Variants in LAMA5 observed in about 807,000 individuals in gnomAD.
The protein encoded by LAMA5 is laminin subunit alpha 5, also known as laminin subunit alpha-5.
LAMA5 carries 260 observed loss-of-function variants against 433.4 expected under a neutral mutation model. The observed-to-expected ratio is 0.60, with a 90% CI of 0.54 to 0.66. LAMA5 has a LOEUF of 0.66. Ranked by LOEUF, LAMA5 falls within the 30% of genes least tolerant of loss-of-function variation. The pLI, the probability that LAMA5 is intolerant of heterozygous loss-of-function variation, is 0.00. For missense variants in LAMA5, 5,378 were observed against 5,258.5 expected (o/e 1.02, Z -0.70); for synonymous variants, 2,620 against 2,226.6 (o/e 1.18, Z -4.97).
Position 62,323,469 on chromosome 20 carries a change from G to C in LAMA5, c.6051C>G (p.Pro2017=). The C allele has an allele frequency of 6.5e-7, 1 of 1,542,132 alleles. No individual in the cohort carries two copies. Among genetic ancestry groups the C allele is most frequent in the Non-Finnish European group, 8.7e-7 (1 of 1,145,174 alleles). Residue 2017 remains proline (P), a synonymous_variant, in exon 45 of 80, where the codon CCC becomes CCG. Transcript: ENST00000252999. ...APGFYGNALL[P]GNCTRCDCTP... Reference sequence around the variant, plus strand: ...CCCGACGCCTACGGGTGCAGTTGCCGGGCAGCAGGGCGTTGCCGTAGAAGC... The same window carrying C: ...CCCGACGCCTACGGGTGCAGTTGCCCGGCAGCAGGGCGTTGCCGTAGAAGC...
At chr20:62,354,340 T>G in intron 2 of LAMA5, among the ~76,000 whole-genome samples, 1 of 50,698 alleles carries the variant, frequency 2.0e-5, no homozygotes, top group African/African-American at 8.7e-5. Flanking sequence ...CCTCCCTCCC[T>G]CCCTCCCTCC....
Position 62,325,331 on chromosome 20 carries a change from C to A in LAMA5, c.5514G>T (p.Arg1838=). The A allele has an allele frequency of 6.3e-7, 1 of 1,590,032 alleles. No homozygotes were observed. The highest frequency in any genetic ancestry group is 1.1e-5 in the South Asian group (1 of 88,484). The change falls in exon 41 of 80, where the codon CGG becomes CGT. Residue 1838 remains arginine (R), a synonymous_variant. Transcript: ENST00000252999. ...VELCLCPASY[R]GDSCQECAPG... Reference sequence around the variant, plus strand: ...CTAACCTCACCTGGCATGAGTCCCCCCGGTAGCTGGCGGGGCACAGGCACA... The same window carrying A: ...CTAACCTCACCTGGCATGAGTCCCCACGGTAGCTGGCGGGGCACAGGCACA...
At position 62,367,196 on chromosome 20, in the gene LAMA5, C is replaced by T. The variant is rs1382234558; in HGVS notation, c.50G>A (p.Arg17Gln). The T allele has an allele frequency of 1.6e-6, 2 of 1,220,594 alleles. No individual in the cohort carries two copies. The highest frequency in any genetic ancestry group is 1.0e-6 in the Non-Finnish European group (1 of 982,532). 75.6% of individuals were successfully genotyped at this position (1,220,594 alleles called of 1,614,324 possible). Residue 17 changes from arginine to glutamine, a missense_variant, in exon 1 of 80, where the codon CGG becomes CAG. Coordinates refer to ENST00000252999, the MANE Select transcript of LAMA5 (RefSeq NM_005560.6). The stretch of plus-strand genomic sequence containing the variant: ...GACCAGCAGCAGCGGCGCGGGGCCC[C>T]GGGGGCCGCGAACACACAGTGCGCT... ...AGSALCVRGPRGPAPLLLVGL... is the reference protein window; with the variant it reads ...AGSALCVRGPQGPAPLLLVGL...
At chr20:62,353,448 C>A (rs1456380290) in intron 2 of LAMA5, 197 bp from the exon 3 acceptor site, 3 of 499,784 alleles carry the variant, frequency 6.0e-6, no homozygotes, top group Non-Finnish European at 1.1e-5. Flanking sequence ...TGGAGATGAG[C>A]CCCCGGGAAC....
rs1235535816 is a variant in LAMA5 at position 62,326,763 on chromosome 20, G to A, written c.5215-3C>T. ...AATGTGATGCTCATCTGGTTGCCCT[G>A]GGAAGGCACATGGGGAGGTGAGGGT... On this transcript the variant is annotated splice_region_variant and splice_polypyrimidine_tract_variant and intron_variant, in intron 39 of 79. Transcript: ENST00000252999. The A allele has an allele frequency of 6.2e-7, 1 of 1,612,948 alleles. No homozygotes were observed. Among genetic ancestry groups the A allele is most frequent in the South Asian group, 1.1e-5 (1 of 91,086 alleles).
chr20:62,326,992 C>T lies in LAMA5; in HGVS notation c.5113-26G>A, dbSNP rs753098455. 2.6e-6 allele frequency: 4 copies of T among 1,518,900 alleles called. No homozygotes were observed. The South Asian group carries it at 4.7e-5, about 18-fold the overall frequency. 94.1% of individuals were successfully genotyped at this position (1,518,900 alleles called of 1,614,324 possible). The stretch of plus-strand genomic sequence containing the variant: ...CTGGAGGCAGGACAGACAGAGGTGA[C>T]CTGGCCAGACTCTGGCCACAGGCTC... On this transcript the variant is annotated intron_variant, in intron 38 of 79. Transcript: ENST00000252999.
chr20:62,312,937 T>A lies in LAMA5; in HGVS notation c.9029A>T (p.Lys3010Met), dbSNP rs1226823518. The A allele has an allele frequency of 3.2e-6, 5 of 1,578,060 alleles. No homozygotes were observed. The highest frequency in any genetic ancestry group is 1.3e-5 in the African/African-American group (1 of 74,290). The change falls in exon 66 of 80, where the codon AAG (lysine) becomes ATG (methionine). Residue 3010 changes from lysine (K) to methionine (M), a missense_variant. By Grantham distance (95) the Lys-to-Met change is moderately conservative (BLOSUM62 -1). Transcript: ENST00000252999. ...LLYDFGAGLK[K>M]AVPLQPPPPL... ...CGGTGGGGGCTGCAGTGGGACGGCC[T>A]TTTTCAGGCCAGCCCCAAAGTCATA...
intron 11 of LAMA5, among the ~76,000 whole-genome samples, chr20:62,344,966 C>T (rs147818558): frequency 1.3e-5 from 2 of 152,260 alleles, no homozygotes; most frequent in East Asian, 3.9e-4. Flanking sequence ...TGCTTGTGTA[C>T]AGAGAGCATT....
chr20:62,316,808 G>T, intron 56 of LAMA5, 35 bp from the exon 57 acceptor site: 1 of 1,566,868 alleles, frequency 6.4e-7, no homozygotes, highest in South Asian at 1.1e-5. Flanking sequence ...GCTCAGACAC[G>T]CAGGCCGGGG....
At chr20:62,365,271 T>C (rs1315605767) in intron 1 of LAMA5, among the ~76,000 whole-genome samples, 2 of 152,196 alleles carry the variant, frequency 1.3e-5, no homozygotes, top group Non-Finnish European at 2.9e-5. Context: ...TGTGGCCACT[T>C]CCCAGGCTCC....
intron 6 of LAMA5, among the ~76,000 whole-genome samples, chr20:62,350,641 G>T (rs1984148312): frequency 6.6e-6 from 1 of 152,176 alleles, no homozygotes; most frequent in South Asian, 2.1e-4. Flanking sequence ...GATGAGCCCT[G>T]CCAGCTCCCT....
chr20:62,358,655 G>A (rs1985597646), intron 2 of LAMA5, among the ~76,000 whole-genome samples: 1 of 152,132 alleles, frequency 6.6e-6, no homozygotes, highest in African/African-American at 2.4e-5. Flanking sequence ...ATTTACAGAG[G>A]AGGAACCAGC....
chr20:62,325,415 C>G lies in LAMA5; in HGVS notation c.5430G>C (p.Arg1810Ser). 1 of 1,612,226 alleles carries G rather than the reference C, an allele frequency of 6.2e-7. No individual in the cohort carries two copies. Among genetic ancestry groups the G allele is most frequent in the Non-Finnish European group, 8.5e-7 (1 of 1,179,466 alleles). ...CTGGGCTGGCCACCTCCAGTGCCAC[C>G]CTGCGCAGGAAGACAGCCGAGGAGA... ...SQISSAVFLRRVALEVASPAG... is the reference protein window; with the variant it reads ...SQISSAVFLRSVALEVASPAG... Residue 1810 changes from arginine (R) to serine (S), a missense_variant, in exon 41 of 80, where the codon AGG becomes AGC. Coordinates refer to ENST00000252999, the MANE Select transcript of LAMA5 (RefSeq NM_005560.6).
chr20:62,355,320 TAGGGCCCC>T lies in LAMA5; in HGVS notation c.451-2077_451-2070del, dbSNP rs1985020560. The T allele has an allele frequency of 2.6e-5, 4 of 152,444 alleles. 1 individual carries two copies. The South Asian group carries it at 8.3e-4, about 32-fold the overall frequency. 9.4% of individuals were successfully genotyped at this position (152,444 alleles called of 1,614,324 possible). ...TGTTGGCCAGGTAGGCCTGGAAGCC[TAGGGCCCC>T]AAGGGGGAGAGTGGGGTCCCCCAGA... On this transcript the variant is annotated intron_variant, in intron 2 of 79. Transcript: ENST00000252999.
rs778942433 is a variant in LAMA5 at position 62,313,663 on chromosome 20, G to C, written c.8644C>G (p.Pro2882Ala). The C allele has an allele frequency of 1.2e-4, 196 of 1,612,586 alleles. No individual in the cohort carries two copies. The highest frequency in any genetic ancestry group is 1.6e-4 in the Non-Finnish European group (187 of 1,179,956). ...DDFVFYVGGY[P>A]STFTPPPLLR... ...GGCGGGCTCACCGTGAAGGTACTGGGGTACCCCCCGACGTAGAAGACGAAG... is the reference window on the plus strand; with the variant it reads ...GGCGGGCTCACCGTGAAGGTACTGGCGTACCCCCCGACGTAGAAGACGAAG... Residue 2882 changes from proline (P) to alanine (A), a missense_variant, in exon 63 of 80, where the codon CCC (proline) becomes GCC (alanine). Transcript: ENST00000252999.
Position 62,338,529 on chromosome 20 carries a change from G to A in LAMA5, c.1557C>T (p.Pro519=), listed in dbSNP as rs777763332. The change falls in exon 12 of 80, where the codon CCC becomes CCT. Residue 519 remains proline, a synonymous_variant. Transcript: ENST00000252999. ...GCTCACAATGGGTGCCTTGGAAGTT[G>A]GGTTTGCACAGACAGCGTCCCACCC... ...DPRVGRCLCK[P]NFQGTHCELC... The A allele has an allele frequency of 1.2e-6, 2 of 1,610,708 alleles. No individual in the cohort carries two copies. Among genetic ancestry groups the A allele is most frequent in the Non-Finnish European group, 1.7e-6 (2 of 1,179,286 alleles).
Position 62,314,855 on chromosome 20 carries a change from C to T in LAMA5, c.8140G>A (p.Ala2714Thr), listed in dbSNP as rs750371345. 2.0e-5 allele frequency: 32 copies of T among 1,612,498 alleles called. No individual in the cohort carries two copies. The highest frequency in any genetic ancestry group is 6.7e-5 in the African/African-American group (5 of 74,904). Residue 2714 changes from alanine (A) to threonine (T), a missense_variant, in exon 60 of 80, where the codon GCC becomes ACC. Ala to Thr is a moderately conservative substitution (Grantham distance 58). Transcript: ENST00000252999. The stretch of plus-strand genomic sequence containing the variant: ...AGCTCTCGCACGCGGCCAATGCTGG[C>T]GGACAGGGCCAGGCTGGCGTTGTGC... The part of the protein sequence containing the change: ...GVHNASLALS[A>T]SIGRVRELIA...
rs777743018 is a variant in LAMA5 at position 62,323,678 on chromosome 20, C to A, written c.5850-8G>T. Reference sequence around the variant, plus strand: ...AAGAATCCGGGCGCACACCTGGGAGCAGGGTGGGGAGGGGCCGTCAGTGGC... The same window carrying A: ...AAGAATCCGGGCGCACACCTGGGAGAAGGGTGGGGAGGGGCCGTCAGTGGC... On this transcript the variant is annotated splice_polypyrimidine_tract_variant and splice_region_variant and intron_variant, in intron 44 of 79. Coordinates refer to ENST00000252999, the MANE Select transcript of LAMA5 (RefSeq NM_005560.6). The A allele has an allele frequency of 3.7e-6, 6 of 1,603,464 alleles. No homozygotes were observed. Among genetic ancestry groups the A allele is most frequent in the African/African-American group, 1.3e-5 (1 of 74,888 alleles).
chr20:62,317,444 C>T lies in LAMA5; in HGVS notation c.7412G>A (p.Arg2471Lys), dbSNP rs778605252. ...GCCCGCCGGGGAGAAGGTCTGCATC[C>T]TCTGCAGCAGTGGGGTCCGAGCCCC... ...LDGARTPLLQ[R>K]MQTFSPAGSK... Residue 2471 changes from arginine (R) to lysine (K), a missense_variant, in exon 55 of 80, where the codon AGG (arginine) becomes AAG (lysine). By Grantham distance (26) the Arg-to-Lys change is conservative. Coordinates refer to ENST00000252999, the MANE Select transcript of LAMA5 (RefSeq NM_005560.6). 4 of 1,596,644 alleles carry T rather than the reference C, an allele frequency of 2.5e-6. No homozygotes were observed. Among genetic ancestry groups the T allele is most frequent in the Admixed American group, 1.7e-5 (1 of 57,868 alleles).
Sources: gnomAD v4.1 joint callset for allele counts (sites outside exome capture counted in the v4.1 genomes callset) on GRCh38, gnomAD v4.1.1 for gene constraint, MANE v1.5 for transcripts, NCBI Gene and HGNC (gene_info 2026-07-23, HGNC 2026-07-21) for gene names.